Variants in ADAMTSL1 observed in about 807,000 individuals in gnomAD.
ADAMTSL1 encodes the protein ADAMTS-like protein 1.
ADAMTSL1 carries 126 observed loss-of-function variants against 201.8 expected under a neutral mutation model. That is an observed-to-expected ratio of 0.62 (90% CI 0.54 to 0.72). The LOEUF (loss-of-function observed/expected upper bound fraction) is 0.72, where lower values mean the gene tolerates loss of function less well. Among genes scored for constraint, ADAMTSL1 ranks in the 30% least tolerant of loss-of-function variants. The probability of loss-of-function intolerance (pLI) is 0.00; values close to 1 mark genes in which losing one functional copy is unlikely to be tolerated. For missense variants in ADAMTSL1, 2,679 were observed against 2,277.8 expected (o/e 1.18, Z -3.59); for synonymous variants, 1,121 against 903.4 (o/e 1.24, Z -4.32).
intron 2 of ADAMTSL1, among the ~76,000 whole-genome samples, chr9:18,352,407 A>G (rs1437753709): frequency 6.6e-6 from 1 of 152,246 alleles, no homozygotes; most frequent in Non-Finnish European, 1.5e-5. Context: ...CCTACAGATC[A>G]GTATCCTGAG....
rs574555217 is a variant in ADAMTSL1, at chr9:18,522,033, A to G, written c.192-11214A>G. On this transcript the variant is annotated intron_variant, in intron 2 of 28. Transcript: ENST00000380548. ...TGAGCATCTGAGAAGAGCTTTACACACAGGGTCCAGTGGTTCATATAGTTT... is the reference window on the plus strand; with the variant it reads ...TGAGCATCTGAGAAGAGCTTTACACGCAGGGTCCAGTGGTTCATATAGTTT... Among the ~76,000 whole-genome samples, 13 of 152,328 alleles carry G rather than the reference A, an allele frequency of 8.5e-5. No homozygotes were observed. In the South Asian group the frequency reaches 2.1e-3, roughly 24 times the overall value.
rs139996053 is a variant in ADAMTSL1, at chr9:18,738,661, G to T, written c.2007-14637G>T. On this transcript the variant is annotated intron_variant, in intron 15 of 28. Coordinates refer to ENST00000380548, the MANE Select transcript of ADAMTSL1 (RefSeq NM_001040272.6). ...GGAAAAATAGATAATCTGCTCTGAG[G>T]ATCAGAGGGCAACTAGAAAATTCTC... Among the ~76,000 whole-genome samples, 1,160 of 152,228 alleles carry T rather than the reference G, an allele frequency of 7.6e-3. 22 individuals carry two copies. The highest frequency in any genetic ancestry group is 0.026 in the African/African-American group (1,081 of 41,516).
chr9:18,180,023 CA>C (rs1828382115), intron 2 of ADAMTSL1, among the ~76,000 whole-genome samples: 1 of 151,768 alleles, frequency 6.6e-6, no homozygotes, highest in South Asian at 2.1e-4. Context: ...TCACACATAA[CA>C]ATATTAACTT....
At chr9:18,152,420 A>G (rs1563770710) in intron 1 of ADAMTSL1, among the ~76,000 whole-genome samples, 1 of 152,028 alleles carries the variant, frequency 6.6e-6, no homozygotes, top group Non-Finnish European at 1.5e-5. Context: ...CCATGCATGG[A>G]TTTGGGAATC....
chr9:18,066,999 A>G (rs1429704951), intron 1 of ADAMTSL1, among the ~76,000 whole-genome samples: 1 of 152,000 alleles, frequency 6.6e-6, no homozygotes, highest in Non-Finnish European at 1.5e-5. Context: ...GGGTGGGGGG[A>G]GAGAGGAGGG....
intron 2 of ADAMTSL1, among the ~76,000 whole-genome samples, chr9:18,509,948 C>T (rs1817933581): frequency 6.6e-6 from 1 of 152,174 alleles, no homozygotes; most frequent in Admixed American, 6.5e-5. Flanking sequence ...AAATTCAGTT[C>T]AGTCACCTTA....
In ADAMTSL1 at chr9:17,925,234, G is replaced by A. The variant is rs1588425107; in HGVS notation, c.87+18312G>A. Among the ~76,000 whole-genome samples, 11 of 120,060 alleles carry A rather than the reference G, an allele frequency of 9.2e-5. 1 individual carries two copies. In the South Asian group the frequency reaches 2.8e-3, roughly 31 times the overall value. 78.8% of individuals were successfully genotyped at this position (120,060 alleles called of 152,430 possible). Reference sequence around the variant, plus strand: ...GTGCTGAAGAGGATGTGGAGAAATAGGAACACTTTTACACTGTTAGTGGGA... The same window carrying A: ...GTGCTGAAGAGGATGTGGAGAAATAAGAACACTTTTACACTGTTAGTGGGA... On this transcript the variant is annotated intron_variant, in intron 1 of 29. Coordinates refer to the ADAMTSL1 transcript ENST00000680146.
chr9:17,932,320 G>A (rs182454932), intron 1 of ADAMTSL1, among the ~76,000 whole-genome samples: 3 of 152,302 alleles, frequency 2.0e-5, no homozygotes, highest in Admixed American at 2.0e-4. Context: ...ATTTCTCCAA[G>A]AGGGTCCCGG....
intron 4 of ADAMTSL1, among the ~76,000 whole-genome samples, chr9:18,589,718 C>A (rs1363947848): frequency 6.6e-6 from 1 of 152,054 alleles, no homozygotes; most frequent in Non-Finnish European, 1.5e-5. Flanking sequence ...TCATTTATGA[C>A]CTTTGTCATG....
intron 16 of ADAMTSL1, among the ~76,000 whole-genome samples, chr9:18,768,003 A>T (rs1020424674): frequency 2.0e-5 from 3 of 152,238 alleles, no homozygotes; most frequent in Admixed American, 6.5e-5. Flanking sequence ...GCTATGTTTA[A>T]ATGTTGCCTC....
At chr9:18,076,772 G>A (rs150873652) in intron 1 of ADAMTSL1, among the ~76,000 whole-genome samples, 9 of 152,146 alleles carry the variant, frequency 5.9e-5, no homozygotes, top group Non-Finnish European at 8.8e-5. Flanking sequence ...GAGAGGGGCT[G>A]GGCTATGTAC....
At chr9:18,397,361 T>C (rs1817796106) in intron 2 of ADAMTSL1, among the ~76,000 whole-genome samples, 1 of 152,110 alleles carries the variant, frequency 6.6e-6, no homozygotes, top group African/African-American at 2.4e-5. Context: ...AGTACTGTAT[T>C]TCTTGAGTCT....
chr9:18,202,463 A>T (rs1829489642), intron 2 of ADAMTSL1, among the ~76,000 whole-genome samples: 1 of 152,202 alleles, frequency 6.6e-6, no homozygotes, highest in South Asian at 2.1e-4. Context: ...TCCCAGAAAC[A>T]TTTTAATTCT....
rs548132867 is a variant in ADAMTSL1 at position 18,359,397 on chromosome 9, A to T, written c.208-145432A>T. 4.4e-4 allele frequency among the ~76,000 whole-genome samples: 67 copies of T among 152,284 alleles called. No homozygotes were observed. In the South Asian group the frequency reaches 0.012, roughly 28 times the overall value. Reference sequence around the variant, plus strand: ...AAAGGTTACACAAATTAAATCTTTCACCAGGGACTTACAGTTTAACAATGT... The same window carrying T: ...AAAGGTTACACAAATTAAATCTTTCTCCAGGGACTTACAGTTTAACAATGT... On this transcript the variant is annotated intron_variant, in intron 2 of 29. Coordinates refer to the ADAMTSL1 transcript ENST00000680146.
chr9:18,148,131 T>C (rs1156902073), intron 1 of ADAMTSL1, among the ~76,000 whole-genome samples: 5 of 152,046 alleles, frequency 3.3e-5, no homozygotes, highest in Non-Finnish European at 7.4e-5. Flanking sequence ...AACATAGTAA[T>C]GTGTCTACAA....
rs1412955791 is a variant in ADAMTSL1 at position 18,525,023 on chromosome 9, C to T, written c.192-8224C>T. Among the ~76,000 whole-genome samples the T allele has an allele frequency of 4.6e-5, 7 of 152,288 alleles. No homozygotes were observed. In the South Asian group the frequency reaches 8.3e-4, roughly 18 times the overall value. ...ATAGTTTCAGAAGGAATGGTACCAG[C>T]TCCTCCTTGTACATCCAGTAGAATT... On this transcript the variant is annotated intron_variant, in intron 2 of 28. Coordinates refer to ENST00000380548, the MANE Select transcript of ADAMTSL1 (RefSeq NM_001040272.6).
intron 23 of ADAMTSL1, among the ~76,000 whole-genome samples, chr9:18,844,868 T>C (rs2082575): frequency 0.89 from 135,882 of 152,220 alleles, 60,893 homozygotes; most frequent in African/African-American, 0.96. Flanking sequence ...TCTCCTGGTG[T>C]GCCGTTTTTT....
intron 1 of ADAMTSL1, among the ~76,000 whole-genome samples, chr9:17,921,672 G>A (rs1293152175): frequency 6.6e-6 from 1 of 152,010 alleles, no homozygotes; most frequent in Non-Finnish European, 1.5e-5. Flanking sequence ...TAAGACACTG[G>A]TCAGAATTAT....
chr9:18,042,154 C>G (rs933408241), intron 1 of ADAMTSL1, among the ~76,000 whole-genome samples: 1 of 151,214 alleles, frequency 6.6e-6, no homozygotes, highest in African/African-American at 2.4e-5. Context: ...TTGATTTCTC[C>G]TAAAATGTGG....
Sources: allele counts gnomAD v4.1 joint callset (sites outside exome capture counted in the v4.1 genomes callset), GRCh38; gene constraint gnomAD v4.1.1; transcripts MANE v1.5; gene names NCBI Gene and HGNC (gene_info 2026-07-23, HGNC 2026-07-21).